Variants in NEO1 observed in about 807,000 individuals in gnomAD.
The protein encoded by NEO1 is neogenin 1.
Under a neutral mutation model 159.7 loss-of-function variants are expected in NEO1, and 63 were observed. That is an observed-to-expected ratio of 0.39 (90% confidence interval 0.32 to 0.49). The LOEUF (loss-of-function observed/expected upper bound fraction) is 0.49, where lower values mean the gene tolerates loss of function less well. Among genes scored for constraint, NEO1 ranks in the 20% least tolerant of loss-of-function variants. The pLI is 0.85. For missense variants in NEO1, 1,615 were observed against 1,831.0 expected, an observed-to-expected ratio of 0.88 and a Z score of 2.15; for synonymous variants, 633 against 662.0, an observed-to-expected ratio of 0.96 and a Z score of 0.67.
chr15:73,160,913 G>T (rs1451006072), intron 5 of NEO1, among the ~76,000 whole-genome samples: 2 of 152,086 alleles, frequency 1.3e-5, no homozygotes, highest in Non-Finnish European at 2.9e-5. Context: ...TGGAGTTTGG[G>T]GAATGGAGCT....
At chr15:73,179,148 T>G (rs1402668159) in intron 7 of NEO1, among the ~76,000 whole-genome samples, 1 of 152,180 alleles carries the variant, frequency 6.6e-6, no homozygotes, top group Non-Finnish European at 1.5e-5. Flanking sequence ...CACTGTAATT[T>G]GAGCAGAGTT....
intron 7 of NEO1, among the ~76,000 whole-genome samples, chr15:73,216,961 T>G (rs2037927470): frequency 6.6e-6 from 1 of 151,562 alleles, no homozygotes; most frequent in African/African-American, 2.4e-5. Context: ...ATTTTGGCTT[T>G]TGTTGCCATT....
intron 23 of NEO1, among the ~76,000 whole-genome samples, chr15:73,286,153 G>GCTTGATAA (rs1480445995): frequency 2.4e-5 from 3 of 127,172 alleles, no homozygotes; most frequent in Admixed American, 1.1e-4. Context: ...TTGATAACTT[G>GCTTGATAA]CTTATACTCT....
intron 7 of NEO1, among the ~76,000 whole-genome samples, chr15:73,222,752 T>C (rs1260811134): frequency 6.6e-6 from 1 of 152,202 alleles, no homozygotes; most frequent in African/African-American, 2.4e-5. Context: ...TTATCTTTTG[T>C]ATTTTTTTGT....
intron 1 of NEO1, among the ~76,000 whole-genome samples, chr15:73,053,665 A>G (rs1424508602): frequency 6.6e-6 from 1 of 152,236 alleles, no homozygotes; most frequent in Admixed American, 6.5e-5. Flanking sequence ...AAGGGGACCA[A>G]CGAACAAAAA....
intron 9 of NEO1, 100 bp downstream of exon 9, chr15:73,244,598 A>AGTT: frequency 1.5e-6 from 2 of 1,311,770 alleles, no homozygotes; most frequent in Non-Finnish European, 1.0e-6. Flanking sequence ...AGAAGATAAC[A>AGTT]GTTCCTTACT....
chr15:73,156,466 G>A (rs942648527), intron 5 of NEO1, among the ~76,000 whole-genome samples: 4 of 152,192 alleles, frequency 2.6e-5, no homozygotes, highest in African/African-American at 9.7e-5. Context: ...GCCTGTTGTA[G>A]TAGAGGTAGA....
intron 5 of NEO1, among the ~76,000 whole-genome samples, chr15:73,174,142 A>G (rs553917359): frequency 1.4e-3 from 214 of 152,262 alleles, no homozygotes; most frequent in African/African-American, 5.0e-3. Context: ...CTACTTACTA[A>G]AAAGGGCAAA....
chr15:73,242,804 T>C (rs187286687), intron 8 of NEO1, among the ~76,000 whole-genome samples: 10 of 152,272 alleles, frequency 6.6e-5, no homozygotes, highest in South Asian at 2.1e-4. Flanking sequence ...GTTGGTCTTA[T>C]TGTCTCAGGA....
intron 1 of NEO1, among the ~76,000 whole-genome samples, chr15:73,057,747 A>G (rs2067779802): frequency 6.6e-6 from 1 of 152,202 alleles, no homozygotes; most frequent in African/African-American, 2.4e-5. Context: ...TACTGCCTAT[A>G]TGGCACATTA....
At chr15:73,296,359 C>T (rs1339085002) in intron 26 of NEO1, among the ~76,000 whole-genome samples, 1 of 152,134 alleles carries the variant, frequency 6.6e-6, no homozygotes, top group Non-Finnish European at 1.5e-5. Flanking sequence ...CACCAGCTCC[C>T]CCGCCGTGGG....
chr15:73,289,112 A>G, intron 24 of NEO1, 34 bp from the exon 25 acceptor site: 2 of 1,585,464 alleles, frequency 1.3e-6, no homozygotes, highest in African/African-American at 1.3e-5. Context: ...CATAGGGCAC[A>G]TGCTGGTAAC....
chr15:73,098,509 A>AT (rs1463676620), intron 1 of NEO1, among the ~76,000 whole-genome samples: 2 of 152,112 alleles, frequency 1.3e-5, no homozygotes, highest in African/African-American at 2.4e-5. Flanking sequence ...AAATACACTC[A>AT]TTTTTCTCCA....
chr15:73,134,501 G>C (rs575901656), intron 4 of NEO1, among the ~76,000 whole-genome samples: 1 of 151,840 alleles, frequency 6.6e-6, no homozygotes, highest in South Asian at 2.1e-4. Flanking sequence ...TTATAAATGT[G>C]GCCAAGACTG....
chr15:73,268,148 G>A (rs984105774), intron 16 of NEO1, among the ~76,000 whole-genome samples: 1 of 151,958 alleles, frequency 6.6e-6, no homozygotes, highest in African/African-American at 2.4e-5. Flanking sequence ...TGGTAGTTCT[G>A]TTCTGTCTTC....
intron 1 of NEO1, among the ~76,000 whole-genome samples, chr15:73,056,763 T>C (rs2151214416): frequency 6.6e-6 from 1 of 152,308 alleles, no homozygotes; most frequent in Admixed American, 6.5e-5. Context: ...TCTTTTGTGA[T>C]CTTGGTCATC....
intron 1 of NEO1, among the ~76,000 whole-genome samples, chr15:73,056,693 C>T (rs575148923): frequency 6.6e-6 from 1 of 152,236 alleles, no homozygotes; most frequent in Non-Finnish European, 1.5e-5. Context: ...AAACCTTATC[C>T]TTTTTAAGTT....
At chr15:73,137,169 C>T (rs1404174114) in intron 5 of NEO1, among the ~76,000 whole-genome samples, 2 of 152,082 alleles carry the variant, frequency 1.3e-5, no homozygotes, top group South Asian at 2.1e-4. Context: ...TATAGCCAAG[C>T]TGAACACCTG....
chr15:73,275,596 A>G (rs1231771716), intron 21 of NEO1, among the ~76,000 whole-genome samples: 1 of 152,130 alleles, frequency 6.6e-6, no homozygotes, highest in African/African-American at 2.4e-5. Context: ...TGGAGGCTGC[A>G]GTGAGTCGTG....
Sources: gnomAD v4.1 joint callset for allele counts (sites outside exome capture counted in the v4.1 genomes callset) on GRCh38, gnomAD v4.1.1 for gene constraint, MANE v1.5 for transcripts, NCBI Gene and HGNC (gene_info 2026-07-23, HGNC 2026-07-21) for gene names.